FGF12: variants seen among roughly 807,000 people sequenced by gnomAD.
The protein encoded by FGF12 is fibroblast growth factor 12B.
In FGF12, 14 loss-of-function variants were observed where a neutral mutation model predicts 23.6. That is an observed-to-expected ratio of 0.59 (90% CI 0.39 to 0.93). The LOEUF (loss-of-function observed/expected upper bound fraction) is 0.93. FGF12 is among the 40% of genes least tolerant of loss of function. The pLI is 0.00. For synonymous variants in FGF12, 62 were observed against 77.3 expected (o/e 0.80, Z 1.04); for missense variants, 175 against 217.8 (o/e 0.80, Z 1.24).
intron 4 of FGF12, among the ~76,000 whole-genome samples, chr3:192,270,076 C>A (rs143516423): frequency 2.0e-5 from 3 of 152,306 alleles, no homozygotes; most frequent in African/African-American, 7.2e-5. Flanking sequence ...TCCACATCCT[C>A]CTGCATTCTG....
At chr3:192,264,493 C>A (rs1046132712) in intron 4 of FGF12, among the ~76,000 whole-genome samples, 1 of 151,832 alleles carries the variant, frequency 6.6e-6, no homozygotes, top group African/African-American at 2.4e-5. Flanking sequence ...ATTTTTAATT[C>A]TGGAGAAAAG....
chr3:192,375,508 G>A (rs1292917900), intron 2 of FGF12, among the ~76,000 whole-genome samples: 2 of 151,912 alleles, frequency 1.3e-5, no homozygotes, highest in Non-Finnish European at 2.9e-5. Context: ...TAATGCAAAC[G>A]GCTAAAAACT....
intron 4 of FGF12, among the ~76,000 whole-genome samples, chr3:192,248,066 G>A (rs771206039): frequency 2.6e-5 from 4 of 152,096 alleles, no homozygotes; most frequent in Non-Finnish European, 4.4e-5. Flanking sequence ...ATTTTATCTT[G>A]TTCCAATATA....
chr3:192,178,598 A>G lies in FGF12; in HGVS notation c.229-7942T>C, dbSNP rs180780374. Among the ~76,000 whole-genome samples, 25 of 152,186 alleles carry G rather than the reference A, an allele frequency of 1.6e-4. No homozygotes were observed. In the East Asian group the frequency reaches 4.9e-3, roughly 30 times the overall value. ...ACTGCAACCTCCACCTCCCTGGTTCAAGCAATTCCCCTGCCTCAGCCTCCT... is the reference window on the plus strand; with the variant it reads ...ACTGCAACCTCCACCTCCCTGGTTCGAGCAATTCCCCTGCCTCAGCCTCCT... On this transcript the variant is annotated intron_variant, in intron 4 of 5. Coordinates refer to ENST00000445105, the MANE Select transcript of FGF12 (RefSeq NM_004113.6).
chr3:192,181,822 G>T (rs1236962957), intron 4 of FGF12, among the ~76,000 whole-genome samples: 1 of 151,788 alleles, frequency 6.6e-6, no homozygotes, highest in Non-Finnish European at 1.5e-5. Context: ...GTAGAGACAG[G>T]GTTTTGCTGT....
intron 4 of FGF12, among the ~76,000 whole-genome samples, chr3:192,255,046 G>A (rs1450935351): frequency 6.6e-6 from 1 of 152,000 alleles, no homozygotes; most frequent in African/African-American, 2.4e-5. Flanking sequence ...ATCAGGGTAT[G>A]AATTGTGATT....
intron 2 of FGF12, among the ~76,000 whole-genome samples, chr3:192,654,552 A>C (rs2108678796): frequency 6.6e-6 from 1 of 152,354 alleles, no homozygotes; most frequent in East Asian, 1.9e-4. Flanking sequence ...ATGGGCATTC[A>C]ATGTATCTTT....
chr3:192,240,068 T>C (rs1319325176), intron 4 of FGF12, among the ~76,000 whole-genome samples: 1 of 152,200 alleles, frequency 6.6e-6, no homozygotes, highest in African/African-American at 2.4e-5. Context: ...GAAAGTTGTC[T>C]TATACATTTT....
intron 2 of FGF12, among the ~76,000 whole-genome samples, chr3:192,714,620 G>T (rs928802232): frequency 6.9e-6 from 1 of 144,658 alleles, no homozygotes; most frequent in African/African-American, 2.6e-5. Flanking sequence ...CCGGGTTCAC[G>T]CCATTCTCCT....
At chr3:192,201,218 C>G (rs532215402) in intron 4 of FGF12, among the ~76,000 whole-genome samples, 7 of 152,264 alleles carry the variant, frequency 4.6e-5, no homozygotes, top group African/African-American at 1.7e-4. Flanking sequence ...CCTCTGCTTT[C>G]TTGATTGATC....
intron 3 of FGF12, among the ~76,000 whole-genome samples, chr3:192,350,207 A>G (rs1718154964): frequency 1.3e-5 from 2 of 152,182 alleles, no homozygotes. Flanking sequence ...ATACAGATGA[A>G]ACAGCATAAA....
At chr3:192,449,219 G>A (rs1560114617) in intron 2 of FGF12, among the ~76,000 whole-genome samples, 1 of 152,136 alleles carries the variant, frequency 6.6e-6, no homozygotes, top group African/African-American at 2.4e-5. Flanking sequence ...ACAATATTAA[G>A]CTTTGTCACT....
chr3:192,512,106 T>G (rs1380112182), intron 2 of FGF12, among the ~76,000 whole-genome samples: 1 of 152,156 alleles, frequency 6.6e-6, no homozygotes, highest in Admixed American at 6.5e-5. Context: ...CTCCCTCAAC[T>G]GTAAAATAAT....
chr3:192,617,908 C>T (rs866392689), intron 2 of FGF12, among the ~76,000 whole-genome samples: 12 of 152,132 alleles, frequency 7.9e-5, no homozygotes, highest in East Asian at 1.9e-4. Flanking sequence ...TACCCAGAAA[C>T]GCTGGGAGTA....
intron 4 of FGF12, among the ~76,000 whole-genome samples, chr3:192,283,716 T>A (rs1714286369): frequency 2.0e-5 from 3 of 152,046 alleles, no homozygotes; most frequent in African/African-American, 7.2e-5. Context: ...TAGTCAAAAC[T>A]TGATGCACTG....
intron 3 of FGF12, among the ~76,000 whole-genome samples, chr3:192,337,481 A>AATAAGGATAAC: frequency 6.6e-6 from 1 of 152,292 alleles, no homozygotes; most frequent in South Asian, 2.1e-4. Flanking sequence ...ATAAGGATAA[A>AATAAGGATAAC]TAACCGAGTC....
chr3:192,604,274 T>C (rs1370303176), intron 2 of FGF12, among the ~76,000 whole-genome samples: 1 of 152,174 alleles, frequency 6.6e-6, no homozygotes, highest in African/African-American at 2.4e-5. Context: ...TTTGTACAGT[T>C]AACACAATTA....
At chr3:192,396,015 T>C (rs1187992062) in intron 2 of FGF12, among the ~76,000 whole-genome samples, 1 of 152,192 alleles carries the variant, frequency 6.6e-6, no homozygotes, top group African/African-American at 2.4e-5. Context: ...GAAAGAACCT[T>C]GATTGTGGAG....
At chr3:192,178,780 A>G (rs1309098372) in intron 4 of FGF12, among the ~76,000 whole-genome samples, 1 of 152,144 alleles carries the variant, frequency 6.6e-6, no homozygotes, top group Non-Finnish European at 1.5e-5. Flanking sequence ...TTACAGGCAT[A>G]AGCCACTGCG....
Sources: gnomAD v4.1 joint callset for allele counts (sites outside exome capture counted in the v4.1 genomes callset) on GRCh38, gnomAD v4.1.1 for gene constraint, MANE v1.5 for transcripts, NCBI Gene and HGNC (gene_info 2026-07-23, HGNC 2026-07-21) for gene names.